The following DRC11 variants were observed in gnomAD, a reference collection of about 807,000 sequenced individuals.
DRC11 encodes the protein IQ and AAA domain-containing protein 1.
the DRC11 span, among the ~76,000 whole-genome samples, chr2:236,496,748 C>T: frequency 5.0e-3 from 754 of 152,318 alleles, 3 homozygotes; most frequent in African/African-American, 0.016. This position sits in a 1 kb window ranked among gnomAD's most constrained non-coding sequence, Gnocchi z 6.3. Context: ...GGAGATGCAT[C>T]CACTTGGCAA....
chr2:236,484,901 G>A, the DRC11 span, among the ~76,000 whole-genome samples: 1 of 152,160 alleles, frequency 6.6e-6, no homozygotes, highest in Non-Finnish European at 1.5e-5. Context: ...GACCTGCGTC[G>A]TGATCTGAGG....
the DRC11 span, chr2:236,331,618 A>G: frequency 2.5e-5 from 40 of 1,574,296 alleles, no homozygotes; most frequent in Non-Finnish European, 3.3e-5. This position sits in a 1 kb window ranked among gnomAD's most constrained non-coding sequence, Gnocchi z 4.8. Flanking sequence ...CAGAAAAGAC[A>G]CAGAGAACAA....
At chr2:236,492,579 G>C in the DRC11 span, among the ~76,000 whole-genome samples, 5 of 152,218 alleles carry the variant, frequency 3.3e-5, no homozygotes, top group African/African-American at 1.2e-4. Flanking sequence ...GTTACTCATA[G>C]TGCCCCTTTC....
the DRC11 span, among the ~76,000 whole-genome samples, chr2:236,457,099 T>C: frequency 2.6e-5 from 4 of 152,196 alleles, no homozygotes; most frequent in South Asian, 2.1e-4. This position sits in a 1 kb window ranked among gnomAD's most constrained non-coding sequence, Gnocchi z 4.7. Flanking sequence ...ATGAAGCTTA[T>C]TGATACATCC....
chr2:236,361,428 C>T, the DRC11 span, among the ~76,000 whole-genome samples: 2 of 152,164 alleles, frequency 1.3e-5, no homozygotes, highest in East Asian at 3.9e-4. The surrounding 1 kb of genome is among the most constrained non-coding windows in gnomAD (Gnocchi z 5.7). Flanking sequence ...TATATTTCTT[C>T]TCTCAATTTT....
the DRC11 span, chr2:236,392,276 G>C: frequency 6.3e-7 from 1 of 1,595,360 alleles, no homozygotes; most frequent in Non-Finnish European, 8.6e-7. The surrounding 1 kb of genome is among the most constrained non-coding windows in gnomAD (Gnocchi z 5.1). Context: ...AATTCTTTTC[G>C]TTTCTCCTCT....
At chr2:236,440,182 C>G in the DRC11 span, among the ~76,000 whole-genome samples, 1 of 152,086 alleles carries the variant, frequency 6.6e-6, no homozygotes, top group African/African-American at 2.4e-5. Flanking sequence ...AATAGAAATT[C>G]AAATAAAATG....
At chr2:236,375,280 G>T in the DRC11 span, among the ~76,000 whole-genome samples, 1 of 152,108 alleles carries the variant, frequency 6.6e-6, no homozygotes, top group African/African-American at 2.4e-5. The surrounding 1 kb of genome is among the most constrained non-coding windows in gnomAD (Gnocchi z 4.2). Flanking sequence ...CATTGAAAAA[G>T]TTCAGAAGGG....
At chr2:236,465,390 A>G in the DRC11 span, 1 of 872,014 alleles carries the variant, frequency 1.1e-6, no homozygotes, top group Non-Finnish European at 1.8e-6. This position sits in a 1 kb window ranked among gnomAD's most constrained non-coding sequence, Gnocchi z 6.2. Context: ...CGTTTCTAAA[A>G]CGAAGCCGAG....
chr2:236,501,292 T>C, the DRC11 span, among the ~76,000 whole-genome samples: 2 of 152,072 alleles, frequency 1.3e-5, no homozygotes, highest in Non-Finnish European at 2.9e-5. Flanking sequence ...GCCTCCAGCA[T>C]TGGGGATGAC....
the DRC11 span, among the ~76,000 whole-genome samples, chr2:236,435,627 G>A: frequency 2.6e-5 from 4 of 152,164 alleles, no homozygotes; most frequent in African/African-American, 9.7e-5. Context: ...GCACAAAGGG[G>A]AAAATGCCCC....
the DRC11 span, among the ~76,000 whole-genome samples, chr2:236,416,749 AT>A: frequency 1.9e-4 from 11 of 57,876 alleles, no homozygotes; most frequent in African/African-American, 6.4e-4. Flanking sequence ...ATATATATAT[AT>A]ATATATATAT....
chr2:236,428,339 T>C, the DRC11 span, among the ~76,000 whole-genome samples: 5 of 152,178 alleles, frequency 3.3e-5, no homozygotes, highest in African/African-American at 1.2e-4. Context: ...GGTACTGAAA[T>C]TCCCTACTAT....
the DRC11 span, among the ~76,000 whole-genome samples, chr2:236,406,010 A>C: frequency 6.6e-6 from 1 of 152,210 alleles, no homozygotes; most frequent in Non-Finnish European, 1.5e-5. This position sits in a 1 kb window ranked among gnomAD's most constrained non-coding sequence, Gnocchi z 4.7. Flanking sequence ...GGACTAGTGC[A>C]TATTTAAAAA....
the DRC11 span, among the ~76,000 whole-genome samples, chr2:236,342,228 T>A: frequency 1.3e-5 from 2 of 152,168 alleles, no homozygotes; most frequent in Non-Finnish European, 2.9e-5. The surrounding 1 kb of genome is among the most constrained non-coding windows in gnomAD (Gnocchi z 5.8). Context: ...AGTGCCAGCC[T>A]CCTGGATGTT....
the DRC11 span, among the ~76,000 whole-genome samples, chr2:236,401,087 G>A: frequency 9.2e-5 from 14 of 151,876 alleles, no homozygotes; most frequent in South Asian, 2.1e-4. This position sits in a 1 kb window ranked among gnomAD's most constrained non-coding sequence, Gnocchi z 4.6. Flanking sequence ...GGGAGGCACC[G>A]TTCCCCACAG....
the DRC11 span, chr2:236,503,780 C>A: frequency 3.0e-6 from 4 of 1,335,972 alleles, no homozygotes; most frequent in Admixed American, 7.9e-5. The surrounding 1 kb of genome is among the most constrained non-coding windows in gnomAD (Gnocchi z 4.9). Context: ...GGGACCTGGG[C>A]ACCATGCCTC....
At chr2:236,433,299 T>C in the DRC11 span, among the ~76,000 whole-genome samples, 1 of 152,142 alleles carries the variant, frequency 6.6e-6, no homozygotes, top group Non-Finnish European at 1.5e-5. Context: ...CCCAATATAA[T>C]GCTATTGGTA....
chr2:236,371,529 C>T, the DRC11 span, among the ~76,000 whole-genome samples: 1 of 152,102 alleles, frequency 6.6e-6, no homozygotes, highest in Non-Finnish European at 1.5e-5. The surrounding 1 kb of genome is among the most constrained non-coding windows in gnomAD (Gnocchi z 5.1). Flanking sequence ...GCCCAGTACC[C>T]CTAAGGTAGG....
Sources: allele counts gnomAD v4.1 joint callset (sites outside exome capture counted in the v4.1 genomes callset), GRCh38; gene constraint gnomAD v4.1.1; non-coding constraint Gnocchi (gnomAD v3.1); transcripts MANE v1.5; gene names NCBI Gene and HGNC (gene_info 2026-07-23, HGNC 2026-07-21).